Variants in CELF2 observed in about 807,000 individuals in gnomAD.
CELF2 encodes the protein CUGBP Elav-like family member 2.
CELF2 carries 8 observed loss-of-function variants against 62.6 expected under a neutral mutation model. That is an observed-to-expected ratio of 0.13 (90% CI 0.07 to 0.23). The LOEUF (loss-of-function observed/expected upper bound fraction) is 0.23. CELF2 is among the 10% of genes least tolerant of loss of function. CELF2 has a pLI of 1.00. For missense variants in CELF2, 333 were observed against 671.0 expected, an observed-to-expected ratio of 0.50 and a Z score of 5.56; for synonymous variants, 258 against 250.0, an observed-to-expected ratio of 1.03 and a Z score of -0.30.
chr10:10,576,404 A>T, the CELF2 span, among the ~76,000 whole-genome samples: 1 of 152,174 alleles, frequency 6.6e-6, no homozygotes, highest in South Asian at 2.1e-4. Context: ...ACATTTGATG[A>T]GCTCATGAAA....
the CELF2 span, among the ~76,000 whole-genome samples, chr10:10,598,149 G>C: frequency 6.6e-6 from 1 of 152,100 alleles, no homozygotes; most frequent in South Asian, 2.1e-4. Flanking sequence ...GACATAGAGC[G>C]CTTAGAAAAT....
chr10:10,813,234 G>A (rs757250480), intron 1 of CELF2, among the ~76,000 whole-genome samples: 11 of 152,234 alleles, frequency 7.2e-5, no homozygotes, highest in Non-Finnish European at 1.6e-4. Flanking sequence ...TCAGGGATGA[G>A]TTCTGCTGAC....
At chr10:10,781,239 T>C in the CELF2 span, among the ~76,000 whole-genome samples, 2 of 152,360 alleles carry the variant, frequency 1.3e-5, no homozygotes, top group South Asian at 4.1e-4. Context: ...TTTTACCTTT[T>C]TTATGTTTAA....
chr10:10,589,110 G>A, the CELF2 span, among the ~76,000 whole-genome samples: 2 of 152,192 alleles, frequency 1.3e-5, no homozygotes, highest in Non-Finnish European at 1.5e-5. Context: ...ATTAATAGAT[G>A]TACGATGTAC....
intron 2 of CELF2, among the ~76,000 whole-genome samples, chr10:10,939,982 T>A (rs1345551306): frequency 1.3e-5 from 2 of 152,088 alleles, no homozygotes; most frequent in Non-Finnish European, 2.9e-5. Flanking sequence ...AAAGCCAGTA[T>A]TGGCAACATG....
the CELF2 span, among the ~76,000 whole-genome samples, chr10:10,564,548 C>G: frequency 6.6e-6 from 1 of 151,702 alleles, no homozygotes; most frequent in East Asian, 1.9e-4. Context: ...TGTTGATGAC[C>G]ATTTTCATCA....
intron 2 of CELF2, among the ~76,000 whole-genome samples, chr10:10,951,584 G>T (rs139420221): frequency 3.3e-5 from 5 of 152,170 alleles, no homozygotes; most frequent in African/African-American, 1.2e-4. Flanking sequence ...CTCCTCCAAG[G>T]ACATTAGTTT....
rs1030641185 is a variant in CELF2, at chr10:10,931,428, A to G, written c.89+11429A>G. On this transcript the variant is annotated intron_variant, in intron 2 of 13. Transcript: ENST00000636488. The surrounding 1 kb of genome is among the most constrained non-coding windows in gnomAD (Gnocchi z 6.1). ...CATAAAGGATTCTAAAGAGAAACTC[A>G]TACTGGAAACATGATTATCCAGTGA... Among the ~76,000 whole-genome samples, 2 of 152,174 alleles carry G rather than the reference A, an allele frequency of 1.3e-5. No individual in the cohort carries two copies. The highest frequency in any genetic ancestry group is 1.9e-4 in the East Asian group (1 of 5,192).
rs1425678898 is a variant in CELF2, at chr10:11,260,354, A to G, written c.538+2482A>G. Among the ~76,000 whole-genome samples the G allele has an allele frequency of 6.6e-6, 1 of 152,216 alleles. No individual in the cohort carries two copies. Among genetic ancestry groups the G allele is most frequent in the Non-Finnish European group, 1.5e-5 (1 of 68,030 alleles). Reference sequence around the variant, plus strand: ...TCTGGCACATTTTCTCTGTCTGTCCAGTGGGGACAGTAATGAACAGGATTG... The same window carrying G: ...TCTGGCACATTTTCTCTGTCTGTCCGGTGGGGACAGTAATGAACAGGATTG... On this transcript the variant is annotated intron_variant, in intron 5 of 12. Coordinates refer to ENST00000633077, the MANE Select transcript of CELF2 (RefSeq NM_001326342.2). This position sits in a 1 kb window ranked among gnomAD's most constrained non-coding sequence, Gnocchi z 4.2.
chr10:10,868,873 G>A (rs908369338), intron 1 of CELF2, among the ~76,000 whole-genome samples: 1 of 152,188 alleles, frequency 6.6e-6, no homozygotes, highest in African/African-American at 2.4e-5. Context: ...CTACCAAATA[G>A]GTAGGTCTTC....
rs551566689 is a variant in CELF2 at position 10,997,221 on chromosome 10, C to T, written c.89+77222C>T. Among the ~76,000 whole-genome samples the T allele has an allele frequency of 6.6e-6, 1 of 152,236 alleles. No homozygotes were observed. The highest frequency in any genetic ancestry group is 1.9e-4 in the East Asian group (1 of 5,186). On this transcript the variant is annotated intron_variant, in intron 2 of 13. Transcript: ENST00000636488. The surrounding 1 kb of genome is among the most constrained non-coding windows in gnomAD (Gnocchi z 5.3). Reference sequence around the variant, plus strand: ...TCATGTGGGTGATAATGCAGATTTACGGGATGGCTCTCATAGCTAAGTGAT... The same window carrying T: ...TCATGTGGGTGATAATGCAGATTTATGGGATGGCTCTCATAGCTAAGTGAT...
At position 11,012,350 on chromosome 10, in the gene CELF2, C is replaced by T. The variant is rs1268804881; in HGVS notation, c.53+6910C>T. 1.3e-5 allele frequency among the ~76,000 whole-genome samples: 2 copies of T among 152,146 alleles called. No homozygotes were observed. The highest frequency in any genetic ancestry group is 6.5e-5 in the Admixed American group (1 of 15,274). ...TCATTTGCTTTATTTTAACAGAAACCAAAGCTTTGGCTCTCTTAATCCTCA... is the reference window on the plus strand; with the variant it reads ...TCATTTGCTTTATTTTAACAGAAACTAAAGCTTTGGCTCTCTTAATCCTCA... On this transcript the variant is annotated intron_variant, in intron 1 of 12. Transcript: ENST00000416382. The surrounding 1 kb of genome is among the most constrained non-coding windows in gnomAD (Gnocchi z 5.5).
intron 1 of CELF2, among the ~76,000 whole-genome samples, chr10:11,150,534 G>A (rs917920627): frequency 1.3e-5 from 2 of 152,160 alleles, no homozygotes; most frequent in East Asian, 3.8e-4. Context: ...AGATACTTTT[G>A]ACACCATTCA....
At chr10:10,921,236 T>G (rs372706875) in intron 2 of CELF2, among the ~76,000 whole-genome samples, 1 of 151,876 alleles carries the variant, frequency 6.6e-6, no homozygotes, top group Middle Eastern at 3.4e-3. Context: ...ATTACAGGCA[T>G]GAACCACTGT....
intron 1 of CELF2, among the ~76,000 whole-genome samples, chr10:11,119,721 G>A (rs540474688): frequency 2.0e-5 from 3 of 152,062 alleles, no homozygotes; most frequent in Admixed American, 6.5e-5. Context: ...AATACAAGTC[G>A]TAAATGTACA....
intron 9 of CELF2, among the ~76,000 whole-genome samples, chr10:11,301,539 C>T (rs1399502458): frequency 3.9e-5 from 5 of 129,082 alleles, no homozygotes; most frequent in Admixed American, 7.6e-5. Context: ...GCTCCCGCTG[C>T]CCCCGGCCCC....
rs58453098 is a variant in CELF2, at chr10:11,177,421, TA to T, written c.271+11753del. ...TTGGCTTATGTTTGCATGTGTGAAT[TA>T]AAAAAAAAAAAAAGAGAAAATTAGG... On this transcript the variant is annotated intron_variant, in intron 2 of 12. Coordinates refer to ENST00000633077, the MANE Select transcript of CELF2 (RefSeq NM_001326342.2). This position sits in a 1 kb window ranked among gnomAD's most constrained non-coding sequence, Gnocchi z 4.8. Among the ~76,000 whole-genome samples the T allele has an allele frequency of 0.064, 8,985 of 140,668 alleles. 377 individuals are homozygous for T. Among genetic ancestry groups the T allele is most frequent in the African/African-American group, 0.13 (5,124 of 38,550 alleles). The allele number at this position is 140,668 out of a possible 152,430, so 92.3% of individuals were successfully genotyped here.
intron 1 of CELF2, among the ~76,000 whole-genome samples, chr10:11,062,094 G>A (rs2066894126): frequency 6.6e-6 from 1 of 152,238 alleles, no homozygotes; most frequent in Non-Finnish European, 1.5e-5. Flanking sequence ...TTACAGGCGT[G>A]AGCCTGGCCA....
In CELF2 at chr10:11,285,186, C is replaced by T. The variant is rs773232909; in HGVS notation, c.842-3232C>T. Among the ~76,000 whole-genome samples the T allele has an allele frequency of 2.6e-5, 4 of 152,002 alleles. No individual in the cohort carries two copies. The highest frequency in any genetic ancestry group is 2.1e-4 in the South Asian group (1 of 4,826). On this transcript the variant is annotated intron_variant, in intron 8 of 12. Transcript: ENST00000633077. The surrounding 1 kb of genome is among the most constrained non-coding windows in gnomAD (Gnocchi z 4.3). ...ATAGATGGACGAGCAAATATGGATC[C>T]GCCTCCTTGATTGGTTCTGACTAAC...
Sources: gnomAD v4.1 joint callset for allele counts (sites outside exome capture counted in the v4.1 genomes callset) on GRCh38, gnomAD v4.1.1 for gene constraint, Gnocchi (gnomAD v3.1) non-coding constraint, MANE v1.5 for transcripts, NCBI Gene and HGNC (gene_info 2026-07-23, HGNC 2026-07-21) for gene names.